The following CNTN6 variants were observed in gnomAD, a reference collection of about 807,000 sequenced individuals.
CNTN6 encodes the protein contactin-6.
Under a neutral mutation model 122.8 loss-of-function variants are expected in CNTN6, and 137 were observed. The ratio of observed to expected loss-of-function variants is 1.12; its 90% CI spans 0.97 to 1.29. The LOEUF (loss-of-function observed/expected upper bound fraction) is 1.29. CNTN6 is among the 50% of genes most tolerant of loss of function. CNTN6 has a pLI of 0.00. For synonymous variants in CNTN6, 570 were observed against 426.0 expected, an observed-to-expected ratio of 1.34 and a Z score of -4.16; for missense variants, 1,634 against 1,223.4, an observed-to-expected ratio of 1.34 and a Z score of -5.01.
intron 5 of CNTN6, among the ~76,000 whole-genome samples, chr3:1,292,062 A>G (rs76905249): frequency 0.091 from 13,897 of 152,050 alleles, 763 homozygotes; most frequent in African/African-American, 0.15. Context: ...AGTAGTGTTC[A>G]TCCATACTCT....
chr3:1,117,942 G>A (rs888844505), intron 1 of CNTN6, among the ~76,000 whole-genome samples: 3 of 152,076 alleles, frequency 2.0e-5, no homozygotes, highest in African/African-American at 7.2e-5. Flanking sequence ...ACATTTTACT[G>A]AATTTTCTCC....
At chr3:1,204,932 T>A (rs1031520630) in intron 2 of CNTN6, among the ~76,000 whole-genome samples, 1 of 152,048 alleles carries the variant, frequency 6.6e-6, no homozygotes, top group Non-Finnish European at 1.5e-5. Flanking sequence ...TGTGAATCTG[T>A]TAGATTACAA....
At chr3:1,229,512 T>C (rs894391755) in intron 4 of CNTN6, among the ~76,000 whole-genome samples, 1 of 152,192 alleles carries the variant, frequency 6.6e-6, no homozygotes, top group Admixed American at 6.5e-5. Context: ...AACAGTTGAA[T>C]GTCTACATCT....
intron 17 of CNTN6, among the ~76,000 whole-genome samples, chr3:1,382,535 T>G (rs1692058141): frequency 1.3e-5 from 2 of 152,244 alleles, no homozygotes; most frequent in Non-Finnish European, 2.9e-5. Context: ...AAAAACTTGT[T>G]TAAAATGTTG....
intron 11 of CNTN6, among the ~76,000 whole-genome samples, chr3:1,331,658 C>G (rs534505201): frequency 1.3e-5 from 2 of 151,952 alleles, no homozygotes; most frequent in South Asian, 2.1e-4. Context: ...AACACAGCAC[C>G]TTGTACTGAG....
At chr3:1,218,938 C>G (rs913213556) in intron 2 of CNTN6, among the ~76,000 whole-genome samples, 1 of 152,154 alleles carries the variant, frequency 6.6e-6, no homozygotes, top group African/African-American at 2.4e-5. Flanking sequence ...ACAAGATGAT[C>G]CTGGAACTCT....
chr3:1,358,646 C>T (rs182643059), intron 12 of CNTN6, among the ~76,000 whole-genome samples: 4 of 152,078 alleles, frequency 2.6e-5, no homozygotes, highest in Non-Finnish European at 5.9e-5. Context: ...TCAAACTTAG[C>T]CTTATCCTCT....
intron 5 of CNTN6, among the ~76,000 whole-genome samples, chr3:1,294,260 C>A (rs1218104051): frequency 6.6e-6 from 1 of 152,042 alleles, no homozygotes; most frequent in Non-Finnish European, 1.5e-5. Flanking sequence ...GAAATACTAT[C>A]CACAATATAA....
Position 1,221,689 on chromosome 3 carries a change from C to A in CNTN6, c.182+876C>A, listed in dbSNP as rs547194925. Reference sequence around the variant, plus strand: ...TGCTTCATATTGTGGGTGGAATTTACAAATTTAAAAATATATGCATACGTA... The same window carrying A: ...TGCTTCATATTGTGGGTGGAATTTAAAAATTTAAAAATATATGCATACGTA... On this transcript the variant is annotated intron_variant, in intron 3 of 22. Coordinates refer to ENST00000446702, the MANE Select transcript of CNTN6 (RefSeq NM_001289080.2). 9.2e-5 allele frequency among the ~76,000 whole-genome samples: 14 copies of A among 152,160 alleles called. No individual in the cohort carries two copies. In the South Asian group the frequency reaches 2.9e-3, roughly 32 times the overall value.
At chr3:1,176,095 T>G (rs2125317593) in intron 2 of CNTN6, among the ~76,000 whole-genome samples, 1 of 152,078 alleles carries the variant, frequency 6.6e-6, no homozygotes, top group South Asian at 2.1e-4. Flanking sequence ...GTTTGTGGAA[T>G]AAAAAGAAGG....
At position 1,229,178 on chromosome 3, in the gene CNTN6, A is replaced by G. The variant is rs1197471916; in HGVS notation, c.358+1185A>G. Among the ~76,000 whole-genome samples, 4 of 152,252 alleles carry G rather than the reference A, an allele frequency of 2.6e-5. No individual in the cohort carries two copies. The East Asian group carries it at 7.7e-4, about 29-fold the overall frequency. ...AGAAGGTGGGAAAGGGCCAGTGGCT[A>G]CTTTCGAACATAGGATAAAAATATT... On this transcript the variant is annotated intron_variant, in intron 4 of 22. Coordinates refer to ENST00000446702, the MANE Select transcript of CNTN6 (RefSeq NM_001289080.2).
chr3:1,191,060 G>C (rs979450296), intron 2 of CNTN6, among the ~76,000 whole-genome samples: 6 of 152,184 alleles, frequency 3.9e-5, no homozygotes, highest in Admixed American at 6.5e-5. Context: ...GAAGAAATAT[G>C]TGTTTAGTCT....
At chr3:1,393,880 A>C (rs1694618941) in intron 20 of CNTN6, among the ~76,000 whole-genome samples, 1 of 152,182 alleles carries the variant, frequency 6.6e-6, no homozygotes, top group African/African-American at 2.4e-5. Context: ...TCTGTATGAT[A>C]TATACATATA....
intron 4 of CNTN6, among the ~76,000 whole-genome samples, chr3:1,255,749 T>A (rs929851777): frequency 6.6e-6 from 1 of 152,152 alleles, no homozygotes. Context: ...CACAACCTAC[T>A]GCAGCTTCAA....
chr3:1,258,245 A>G (rs757724477), intron 4 of CNTN6, among the ~76,000 whole-genome samples: 1 of 152,126 alleles, frequency 6.6e-6, no homozygotes, highest in Admixed American at 6.6e-5. Flanking sequence ...AGTTCCTTTT[A>G]TCTCCTCTAC....
chr3:1,230,163 A>G (rs904429559), intron 4 of CNTN6, among the ~76,000 whole-genome samples: 7 of 152,310 alleles, frequency 4.6e-5, no homozygotes, highest in Admixed American at 1.3e-4. Flanking sequence ...ATTGTGATAG[A>G]AAAGGCCTTT....
At chr3:1,224,453 TTG>T (rs2094251810) in intron 3 of CNTN6, among the ~76,000 whole-genome samples, 1 of 152,188 alleles carries the variant, frequency 6.6e-6, no homozygotes, top group African/African-American at 2.4e-5. Context: ...TGATAGATTT[TTG>T]AGGTAATGAA....
chr3:1,331,314 C>G (rs937177166), intron 11 of CNTN6, among the ~76,000 whole-genome samples: 10 of 151,756 alleles, frequency 6.6e-5, no homozygotes, highest in Admixed American at 6.6e-4. Context: ...GGCACAGAAC[C>G]AAAACTTAAT....
chr3:1,190,960 A>AC (rs1035633917), intron 2 of CNTN6, among the ~76,000 whole-genome samples: 5 of 152,106 alleles, frequency 3.3e-5, no homozygotes, highest in African/African-American at 1.2e-4. Context: ...TGCTACTTCT[A>AC]CTTCATTATT....
Sources: allele counts gnomAD v4.1 joint callset (sites outside exome capture counted in the v4.1 genomes callset), GRCh38; gene constraint gnomAD v4.1.1; transcripts MANE v1.5; gene names NCBI Gene and HGNC (gene_info 2026-07-23, HGNC 2026-07-21).